Variants in TJP2 observed in about 807,000 individuals in gnomAD.
TJP2 encodes the protein tight junction protein 2.
Under a neutral mutation model 133.1 loss-of-function variants are expected in TJP2, and 91 were observed. The observed-to-expected ratio is 0.68, with a 90% CI of 0.58 to 0.81. The LOEUF is 0.81. Among genes scored for constraint, TJP2 ranks in the 40% least tolerant of loss-of-function variants. The probability of loss-of-function intolerance (pLI) is 0.00; values close to 1 mark genes in which losing one functional copy is unlikely to be tolerated. For missense variants in TJP2, 1,541 were observed against 1,565.6 expected (o/e 0.98, Z 0.26); for synonymous variants, 592 against 583.4 (o/e 1.01, Z -0.21).
intron 2 of TJP2, among the ~76,000 whole-genome samples, chr9:69,158,650 T>C (rs1299132345): frequency 6.6e-6 from 1 of 152,110 alleles, no homozygotes; most frequent in Non-Finnish European, 1.5e-5. Context: ...TGCAGTGGCA[T>C]GGTCATAGCT....
chr9:69,135,605 T>TG (rs1323120946), intron 1 of TJP2, among the ~76,000 whole-genome samples: 1 of 123,234 alleles, frequency 8.1e-6, no homozygotes, highest in Non-Finnish European at 1.7e-5. Flanking sequence ...CACACCTAGC[T>TG]GATTTTTTTT....
chr9:69,215,536 C>T (rs1828301686), intron 2 of TJP2, among the ~76,000 whole-genome samples: 1 of 152,020 alleles, frequency 6.6e-6, no homozygotes, highest in Non-Finnish European at 1.5e-5. Flanking sequence ...GGATGTGCAC[C>T]ACCATGACCA....
Position 69,216,377 on chromosome 9 carries a change from C to A in TJP2, c.153C>A (p.Gly51=). Reference sequence around the variant, plus strand: ...GATTTGGAATTGCAGTGTCCGGAGGCAGAGACAACCCCCACTTTGAAAATG... The same window carrying A: ...GATTTGGAATTGCAGTGTCCGGAGGAAGAGACAACCCCCACTTTGAAAATG... ...KRGFGIAVSG[G]RDNPHFENGE... The change falls in exon 3 of 23, where the codon GGC becomes GGA. Residue 51 remains glycine (G), a synonymous_variant. Transcript: ENST00000377245. 1 of 1,614,106 alleles carries A rather than the reference C, an allele frequency of 6.2e-7. No homozygotes were observed. The highest frequency in any genetic ancestry group is 1.3e-5 in the African/African-American group (1 of 75,028).
At chr9:69,179,066 A>C (rs1017803175) in intron 1 of TJP2, among the ~76,000 whole-genome samples, 9 of 152,156 alleles carry the variant, frequency 5.9e-5, no homozygotes, top group Non-Finnish European at 1.2e-4. Context: ...GGTAGAAAAC[A>C]AGTATCCCTG....
intron 1 of TJP2, among the ~76,000 whole-genome samples, chr9:69,201,455 C>T (rs1450955866): frequency 4.0e-5 from 6 of 151,852 alleles, no homozygotes; most frequent in African/African-American, 1.5e-4. Context: ...CTGTCCTTTC[C>T]TTCAGACCTC....
intron 1 of TJP2, chr9:69,204,971 C>T: frequency 1.5e-6 from 2 of 1,313,818 alleles, no homozygotes; most frequent in Non-Finnish European, 9.7e-7. Context: ...TTCTTTTTTG[C>T]TCATAAGTAG....
At chr9:69,244,859 T>G (rs1380410402) in intron 17 of TJP2, among the ~76,000 whole-genome samples, 4 of 152,258 alleles carry the variant, frequency 2.6e-5, no homozygotes, top group Non-Finnish European at 5.9e-5. Flanking sequence ...GTGATTTTCT[T>G]TATTTTATCA....
chr9:69,242,933 G>A (rs1279834037), intron 17 of TJP2, among the ~76,000 whole-genome samples: 1 of 152,122 alleles, frequency 6.6e-6, no homozygotes, highest in Non-Finnish European at 1.5e-5. Context: ...GCACGATCTC[G>A]GTTCACTGCA....
At chr9:69,209,415 T>G (rs1415993365) in intron 1 of TJP2, among the ~76,000 whole-genome samples, 1 of 152,022 alleles carries the variant, frequency 6.6e-6, no homozygotes, top group Non-Finnish European at 1.5e-5. Flanking sequence ...ATTATAGGCG[T>G]GAACCATCAC....
upstream of TJP2, chr9:69,121,373 C>T: frequency 1.0e-6 from 1 of 984,198 alleles, no homozygotes; most frequent in Non-Finnish European, 1.2e-6. Flanking sequence ...CAGGTGACAG[C>T]CGCCGCCCAC....
intron 1 of TJP2, among the ~76,000 whole-genome samples, chr9:69,147,172 C>T (rs1823250230): frequency 6.6e-6 from 1 of 152,122 alleles, no homozygotes; most frequent in Non-Finnish European, 1.5e-5. Flanking sequence ...CTCCAAGTAG[C>T]CTCTCGTGAT....
At chr9:69,162,126 ATATAT>A (rs1196803418) in intron 2 of TJP2, among the ~76,000 whole-genome samples, 1 of 148,070 alleles carries the variant, frequency 6.8e-6, no homozygotes, top group African/African-American at 2.4e-5. Flanking sequence ...TATAATTTTT[ATATAT>A]TATATATGAA....
intron 2 of TJP2, among the ~76,000 whole-genome samples, chr9:69,161,095 C>T (rs1353756025): frequency 4.6e-5 from 7 of 152,116 alleles, no homozygotes; most frequent in African/African-American, 9.7e-5. Flanking sequence ...TCACAAAAAC[C>T]AAAGTTAAGG....
intron 4 of TJP2, among the ~76,000 whole-genome samples, chr9:69,219,142 T>C (rs1310997805): frequency 6.6e-6 from 1 of 152,142 alleles, no homozygotes; most frequent in African/African-American, 2.4e-5. Flanking sequence ...TCTAATTTTG[T>C]ATTTTTAGTA....
chr9:69,174,430 C>A lies in TJP2; in HGVS notation c.58C>A (p.Arg20Ser). Residue 20 changes from arginine (R) to serine (S), a missense_variant and splice_region_variant, in exon 1 of 23, where the codon CGC becomes AGC. Physicochemically the swap from Arg to Ser is moderately radical, Grantham distance 110 (BLOSUM62 -1). Transcript: ENST00000377245. ...PPRRELSGWL[R>S]APGMEELIWE... The stretch of plus-strand genomic sequence containing the variant: ...CCGGCGGGAGCTGTCAGGTTGGCTC[C>A]GCGTAAGTGCCTCCTTGTGCCGCGC... The A allele has an allele frequency of 6.4e-7, 1 of 1,551,246 alleles. No homozygotes were observed. The highest frequency in any genetic ancestry group is 2.4e-5 in the East Asian group (1 of 40,930).
intron 2 of TJP2, among the ~76,000 whole-genome samples, chr9:69,168,800 CA>C (rs71507119): frequency 0.32 from 42,671 of 135,226 alleles, 5,898 homozygotes; most frequent in Middle Eastern, 0.4. Flanking sequence ...GAAACTGTCT[CA>C]AAAAAAAAAA....
At chr9:69,253,092 T>C (rs1831459883) in intron 22 of TJP2, 192 bp downstream of exon 22, 1 of 621,172 alleles carries the variant, frequency 1.6e-6, no homozygotes, top group Non-Finnish European at 2.9e-6. Flanking sequence ...CATAGTTTGC[T>C]TGTGTGCTAA....
chr9:69,186,516 T>C (rs1350636866), intron 1 of TJP2, among the ~76,000 whole-genome samples: 1 of 152,238 alleles, frequency 6.6e-6, no homozygotes, highest in Non-Finnish European at 1.5e-5. Flanking sequence ...TTATCTCTTT[T>C]TCTCCAGACT....
chr9:69,212,220 A>G (rs368365705), intron 1 of TJP2, among the ~76,000 whole-genome samples: 7 of 152,218 alleles, frequency 4.6e-5, no homozygotes, highest in East Asian at 1.9e-4. Context: ...AAAAGAATCT[A>G]TTTGAAACTA....
Sources: gnomAD v4.1 joint callset for allele counts (sites outside exome capture counted in the v4.1 genomes callset) on GRCh38, gnomAD v4.1.1 for gene constraint, MANE v1.5 for transcripts, NCBI Gene and HGNC (gene_info 2026-07-23, HGNC 2026-07-21) for gene names.